Variants in NOVA2 observed in about 807,000 individuals in gnomAD.
NOVA2 encodes NOVA alternative splicing regulator 2, also known as RNA-binding protein Nova-2.
NOVA2 carries 9 observed loss-of-function variants against 22.5 expected under a neutral mutation model. The ratio of observed to expected loss-of-function variants is 0.40; its 90% confidence interval spans 0.24 to 0.70. NOVA2 has a LOEUF of 0.70. Ranked by LOEUF, NOVA2 falls within the 30% of genes least tolerant of loss-of-function variation. NOVA2 has a pLI of 0.38. For synonymous variants in NOVA2, 318 were observed against 335.2 expected (o/e 0.95, Z 0.56); for missense variants, 383 against 682.8 (o/e 0.56, Z 4.89).
intron 3 of NOVA2, among the ~76,000 whole-genome samples, chr19:45,943,056 T>C (rs1967783587): frequency 1.1e-5 from 1 of 92,360 alleles, no homozygotes; most frequent in Admixed American, 1.0e-4. Context: ...ATGTCTACTT[T>C]TTTTTTTTTT....
intron 3 of NOVA2, among the ~76,000 whole-genome samples, chr19:45,953,030 G>A (rs549988242): frequency 2.0e-5 from 3 of 152,278 alleles, no homozygotes; most frequent in African/African-American, 4.8e-5. Context: ...CATGCATAGG[G>A]GAGTGGGGAC....
intron 1 of NOVA2, among the ~76,000 whole-genome samples, chr19:45,968,551 G>T (rs1300456280): frequency 6.6e-6 from 1 of 151,970 alleles, no homozygotes; most frequent in Non-Finnish European, 1.5e-5. Flanking sequence ...ATTGGATGGT[G>T]GATGGTGAAA....
chr19:45,939,642 G>T lies in NOVA2; in HGVS notation c.*221C>A. 1.7e-6 allele frequency: 1 copy of T among 592,526 alleles called. No individual in the cohort carries two copies. 36.7% of individuals were successfully genotyped at this position (592,526 alleles called of 1,614,324 possible). On this transcript the variant is annotated 3_prime_UTR_variant, in exon 4 of 4. Coordinates refer to ENST00000263257, the MANE Select transcript of NOVA2 (RefSeq NM_002516.4). ...AAGCACAGGGAGGGAGGAAGGAGGG[G>T]TCAGTTCCGGGCTGGGGAGGGGGCT...
rs144662726 is a variant in NOVA2, at chr19:45,968,519, G to A, written c.85+4748C>T. On this transcript the variant is annotated intron_variant, in intron 1 of 3. Coordinates refer to ENST00000263257, the MANE Select transcript of NOVA2 (RefSeq NM_002516.4). ...AGTGAAAGAAAGGCAGATGGGCCACGGTTTTCTTGGAGTGAATCACCATTG... is the reference window on the plus strand; with the variant it reads ...AGTGAAAGAAAGGCAGATGGGCCACAGTTTTCTTGGAGTGAATCACCATTG... 3.6e-3 allele frequency among the ~76,000 whole-genome samples: 543 copies of A among 152,110 alleles called. 4 individuals are homozygous for A. Among genetic ancestry groups the A allele is most frequent in the African/African-American group, 0.013 (521 of 41,450 alleles).
chr19:45,957,185 T>C (rs1176056828), intron 2 of NOVA2, among the ~76,000 whole-genome samples: 1 of 152,000 alleles, frequency 6.6e-6, no homozygotes, highest in East Asian at 1.9e-4. Flanking sequence ...CCAAGGTGGA[T>C]GGAGGGCTTG....
At chr19:45,954,336 G>A (rs1287962313) in intron 2 of NOVA2, among the ~76,000 whole-genome samples, 1 of 152,200 alleles carries the variant, frequency 6.6e-6, no homozygotes, top group African/African-American at 2.4e-5. Flanking sequence ...TCTGGAAGCA[G>A]AGAGCTCAGG....
At chr19:45,973,201 G>C in intron 1 of NOVA2, 66 bp downstream of exon 1, 1 of 838,812 alleles carries the variant, frequency 1.2e-6, no homozygotes, top group Non-Finnish European at 1.7e-6. Flanking sequence ...CGGGAGGGGG[G>C]GAAAGGATGG....
intron 3 of NOVA2, 101 bp downstream of exon 3, chr19:45,953,679 G>A: frequency 8.4e-6 from 12 of 1,423,058 alleles, no homozygotes; most frequent in Non-Finnish European, 1.1e-5. Context: ...ATTTTTATCA[G>A]CTTTGTCCCA....
At chr19:45,956,190 C>T (rs1484906638) in intron 2 of NOVA2, among the ~76,000 whole-genome samples, 1 of 149,616 alleles carries the variant, frequency 6.7e-6, no homozygotes, top group Non-Finnish European at 1.5e-5. Flanking sequence ...GTGAGTCAGC[C>T]TGCAGTCTGC....
chr19:45,966,344 G>C (rs1177375451), intron 1 of NOVA2, among the ~76,000 whole-genome samples: 5 of 152,060 alleles, frequency 3.3e-5, no homozygotes, highest in African/African-American at 1.2e-4. Context: ...CCAGTCCTTG[G>C]TTCAGGTGCT....
intron 1 of NOVA2, among the ~76,000 whole-genome samples, chr19:45,969,567 T>C (rs1459357606): frequency 7.2e-6 from 1 of 138,620 alleles, no homozygotes; most frequent in East Asian, 2.1e-4. Flanking sequence ...ATCTGGCTGG[T>C]GTAAGCTACG....
chr19:45,940,178 G>T lies in NOVA2; in HGVS notation c.1164C>A (p.Ala388=). ...CCGTCAGGAAGCCCCCGGCCGCCCC[G>T]GCCGCGGCTGCAGCGGCCACCAGCG... ...GGPLVAAAAA[A]GAAGGFLTAE... The change falls in exon 4 of 4, where the codon GCC becomes GCA. Residue 388 remains alanine, a synonymous_variant. Transcript: ENST00000263257. 6.3e-7 allele frequency: 1 copy of T among 1,589,332 alleles called. No homozygotes were observed. Among genetic ancestry groups the T allele is most frequent in the Non-Finnish European group, 8.5e-7 (1 of 1,173,646 alleles).
At chr19:45,966,935 G>A (rs1430327561) in intron 1 of NOVA2, among the ~76,000 whole-genome samples, 1 of 152,158 alleles carries the variant, frequency 6.6e-6, no homozygotes, top group Non-Finnish European at 1.5e-5. Flanking sequence ...GGAGCTTGAA[G>A]GGCTGGTTGT....
At chr19:45,943,866 T>A (rs1210759472) in intron 3 of NOVA2, among the ~76,000 whole-genome samples, 1 of 152,056 alleles carries the variant, frequency 6.6e-6, no homozygotes, top group Admixed American at 6.5e-5. Flanking sequence ...GTACCAAGTA[T>A]TGTTTGCATG....
chr19:45,952,360 G>GT (rs1463516835), intron 3 of NOVA2, among the ~76,000 whole-genome samples: 3 of 152,190 alleles, frequency 2.0e-5, no homozygotes, highest in South Asian at 2.1e-4. Flanking sequence ...CACATAGGAC[G>GT]TAAGTACTGT....
At chr19:45,950,729 C>T (rs1019493348) in intron 3 of NOVA2, among the ~76,000 whole-genome samples, 2 of 152,138 alleles carry the variant, frequency 1.3e-5, no homozygotes, top group African/African-American at 4.8e-5. Flanking sequence ...CCATCTGCCC[C>T]AGTGATTTGC....
chr19:45,944,832 AATAG>A (rs1967813628), intron 3 of NOVA2, among the ~76,000 whole-genome samples: 1 of 152,232 alleles, frequency 6.6e-6, no homozygotes, highest in Non-Finnish European at 1.5e-5. Context: ...TCTTTTGGGT[AATAG>A]ATACTTTCTG....
At chr19:45,954,576 G>A (rs548191756) in intron 2 of NOVA2, among the ~76,000 whole-genome samples, 1 of 152,186 alleles carries the variant, frequency 6.6e-6, no homozygotes, top group African/African-American at 2.4e-5. Context: ...GAGGGCTGAG[G>A]GGTGGGGGAG....
chr19:45,941,336 G>A (rs992673729), intron 3 of NOVA2, among the ~76,000 whole-genome samples: 4 of 149,364 alleles, frequency 2.7e-5, no homozygotes, highest in South Asian at 4.2e-4. Flanking sequence ...ATATAATTTT[G>A]TCTATCTATA....
Sources: gnomAD v4.1 joint callset for allele counts (sites outside exome capture counted in the v4.1 genomes callset) on GRCh38, gnomAD v4.1.1 for gene constraint, MANE v1.5 for transcripts, NCBI Gene and HGNC (gene_info 2026-07-23, HGNC 2026-07-21) for gene names.